MITF: variants seen among roughly 807,000 people sequenced by gnomAD.
MITF encodes melanocyte inducing transcription factor.
Under a neutral mutation model 60.5 loss-of-function variants are expected in MITF, and 17 were observed. The observed-to-expected ratio is 0.28, with a 90% CI of 0.19 to 0.42. The LOEUF is 0.42. Among genes scored for constraint, MITF ranks in the 10% least tolerant of loss-of-function variants. The probability of loss-of-function intolerance (pLI) is 1.00; values close to 1 mark genes in which losing one functional copy is unlikely to be tolerated. For missense variants in MITF, 622 were observed against 683.5 expected (o/e 0.91, Z 1.00); for synonymous variants, 260 against 248.5 (o/e 1.05, Z -0.43).
chr3:69,790,695 C>T (rs891510614), intron 1 of MITF, among the ~76,000 whole-genome samples: 2 of 152,128 alleles, frequency 1.3e-5, no homozygotes, highest in African/African-American at 4.8e-5. Flanking sequence ...CACATCAAAA[C>T]CCCTATATCT....
chr3:69,827,732 CTTT>C (rs980444802), intron 1 of MITF, among the ~76,000 whole-genome samples: 4 of 147,446 alleles, frequency 2.7e-5, no homozygotes, highest in Non-Finnish European at 1.5e-5. Flanking sequence ...TTTATTTTCC[CTTT>C]TTTTTTTGAC....
At chr3:69,931,098 T>C (rs1287854279) in intron 2 of MITF, among the ~76,000 whole-genome samples, 1 of 152,238 alleles carries the variant, frequency 6.6e-6, no homozygotes, top group Non-Finnish European at 1.5e-5. Context: ...ATTCCACATA[T>C]CTTTCTTACT....
chr3:69,908,722 G>T (rs1431288415), intron 2 of MITF, among the ~76,000 whole-genome samples: 1 of 151,940 alleles, frequency 6.6e-6, no homozygotes, highest in Non-Finnish European at 1.5e-5. Flanking sequence ...AAGCTTCAGT[G>T]GTTTTTATAT....
intron 1 of MITF, among the ~76,000 whole-genome samples, chr3:69,785,354 A>G (rs1245952896): frequency 2.6e-5 from 4 of 152,210 alleles, no homozygotes; most frequent in African/African-American, 7.2e-5. Context: ...CACTCTGCTC[A>G]GTACCTTCTG....
In MITF at chr3:69,828,997, G is replaced by A. The variant is rs993419363; in HGVS notation, c.105-50137G>A. On this transcript the variant is annotated intron_variant, in intron 1 of 9. Coordinates refer to ENST00000352241, the MANE Select transcript of MITF (RefSeq NM_001354604.2). ...TACTAAGATTCATGCCACTCAAAGT[G>A]TGACCCATGGACTGGACTGCTTCAT... 5.3e-5 allele frequency among the ~76,000 whole-genome samples: 8 copies of A among 151,966 alleles called. No homozygotes were observed. In the East Asian group the frequency reaches 9.7e-4, roughly 18 times the overall value.
intron 2 of MITF, among the ~76,000 whole-genome samples, chr3:69,935,737 C>T (rs903991970): frequency 6.6e-6 from 1 of 151,810 alleles, no homozygotes; most frequent in Admixed American, 6.6e-5. Flanking sequence ...CTTTTTTTGC[C>T]TCACCCCAGA....
At chr3:69,845,800 C>T (rs1054040099) in intron 1 of MITF, among the ~76,000 whole-genome samples, 1 of 152,194 alleles carries the variant, frequency 6.6e-6, no homozygotes, top group Non-Finnish European at 1.5e-5. Context: ...GCTGTCAAAA[C>T]ATGTTCTACT....
intron 2 of MITF, among the ~76,000 whole-genome samples, chr3:69,912,569 C>T (rs926282443): frequency 6.6e-6 from 1 of 152,120 alleles, no homozygotes; most frequent in African/African-American, 2.4e-5. Context: ...TCTTTTAGGA[C>T]AGGAACTTTG....
intron 2 of MITF, among the ~76,000 whole-genome samples, chr3:69,914,402 A>G (rs2065289080): frequency 6.6e-6 from 1 of 152,146 alleles, no homozygotes; most frequent in Non-Finnish European, 1.5e-5. Flanking sequence ...GATTACAGGC[A>G]TGAGCCACCA....
intron 9 of MITF, among the ~76,000 whole-genome samples, chr3:69,961,847 A>G (rs1315186002): frequency 6.6e-6 from 1 of 152,262 alleles, no homozygotes; most frequent in Non-Finnish European, 1.5e-5. Flanking sequence ...CCAAACATGT[A>G]TATTCATATG....
At chr3:69,795,353 A>G (rs1347604737) in intron 1 of MITF, among the ~76,000 whole-genome samples, 1 of 152,250 alleles carries the variant, frequency 6.6e-6, no homozygotes, top group Non-Finnish European at 1.5e-5. Context: ...TAAAAAACAT[A>G]TAGAAAATTA....
At chr3:69,767,902 G>T (rs951243319) in intron 1 of MITF, among the ~76,000 whole-genome samples, 3 of 152,160 alleles carry the variant, frequency 2.0e-5, no homozygotes, top group Admixed American at 1.3e-4. Flanking sequence ...CTGAAGATAG[G>T]TTGTGATTGC....
intron 1 of MITF, among the ~76,000 whole-genome samples, chr3:69,843,420 A>G (rs1168070775): frequency 2.0e-5 from 3 of 152,130 alleles, no homozygotes; most frequent in Non-Finnish European, 4.4e-5. Flanking sequence ...TATCCCTGAA[A>G]ATTTGTGCAT....
intron 1 of MITF, among the ~76,000 whole-genome samples, chr3:69,789,517 T>C (rs1274826611): frequency 1.3e-5 from 2 of 152,060 alleles, no homozygotes; most frequent in African/African-American, 4.8e-5. Flanking sequence ...AAAGTGGAAC[T>C]CTTGTGCACT....
chr3:69,911,707 A>G (rs927073380), intron 2 of MITF, among the ~76,000 whole-genome samples: 6 of 152,246 alleles, frequency 3.9e-5, no homozygotes, highest in African/African-American at 1.4e-4. Context: ...TTGCACATTA[A>G]AGTAATACAC....
At chr3:69,939,050 T>C (rs1006398524) in intron 3 of MITF, 48 bp from the exon 4 acceptor site, 35 of 1,602,354 alleles carry the variant, frequency 2.2e-5, no homozygotes, top group Non-Finnish European at 2.8e-5. Flanking sequence ...CATTAAAAAG[T>C]CATTTGCAAA....
intron 1 of MITF, among the ~76,000 whole-genome samples, chr3:69,781,045 GT>G (rs2062555082): frequency 1.3e-5 from 2 of 151,814 alleles, no homozygotes; most frequent in Non-Finnish European, 2.9e-5. Context: ...TTACTTTGAA[GT>G]TTTTAGAAAA....
chr3:69,792,998 C>CTTTTTTTG (rs2062766022), intron 1 of MITF, among the ~76,000 whole-genome samples: 1 of 31,076 alleles, frequency 3.2e-5, no homozygotes, highest in African/African-American at 1.2e-4. Flanking sequence ...AAGTCTTTAG[C>CTTTTTTTG]TTTTTTTTTT....
At chr3:69,789,998 A>G (rs1357657363) in intron 1 of MITF, among the ~76,000 whole-genome samples, 2 of 152,194 alleles carry the variant, frequency 1.3e-5, no homozygotes, top group African/African-American at 4.8e-5. Context: ...GCTAGTCACA[A>G]TAGCCAAGAG....
Sources: allele counts gnomAD v4.1 joint callset (sites outside exome capture counted in the v4.1 genomes callset), GRCh38; gene constraint gnomAD v4.1.1; transcripts MANE v1.5; gene names NCBI Gene and HGNC (gene_info 2026-07-23, HGNC 2026-07-21).